Variants in SEL1L3 observed in about 807,000 individuals in gnomAD.
The protein encoded by SEL1L3 is protein sel-1 homolog 3.
In SEL1L3, 76 loss-of-function variants were observed where a neutral mutation model predicts 142.8. That is an observed-to-expected ratio of 0.53 (90% CI 0.44 to 0.64). The LOEUF (loss-of-function observed/expected upper bound fraction) is 0.64, where lower values mean the gene tolerates loss of function less well. SEL1L3 is among the 30% of genes least tolerant of loss of function. The pLI is 0.00. For missense variants in SEL1L3, 1,262 were observed against 1,381.7 expected (o/e 0.91, Z 1.37); for synonymous variants, 504 against 519.6 (o/e 0.97, Z 0.41).
chr4:25,748,640 T>G, intron 23 of SEL1L3, 76 bp from the exon 24 acceptor site: 1 of 1,479,372 alleles, frequency 6.8e-7, no homozygotes, highest in Non-Finnish European at 9.1e-7. Context: ...ACCTAGAGAC[T>G]CTGGCAAGCC....
At chr4:25,818,319 A>C (rs547094193) in intron 8 of SEL1L3, 41 bp from the exon 9 acceptor site, 4 of 1,544,648 alleles carry the variant, frequency 2.6e-6, no homozygotes, top group Non-Finnish European at 3.5e-6. Context: ...ACCCTTTAGC[A>C]GAAGATAAGA....
chr4:25,788,882 C>T lies in SEL1L3; in HGVS notation c.2077-518G>A, dbSNP rs887289041. 6.6e-6 allele frequency among the ~76,000 whole-genome samples: 1 copy of T among 152,100 alleles called. No individual in the cohort carries two copies. On this transcript the variant is annotated intron_variant, in intron 12 of 23. Transcript: ENST00000399878. This position sits in a 1 kb window ranked among gnomAD's most constrained non-coding sequence, Gnocchi z 5.3. ...ACCTCAAGATGTTACTTATCTTTGTCCCTGTCTGTTAGCCCCCCAACCCAG... is the reference window on the plus strand; with the variant it reads ...ACCTCAAGATGTTACTTATCTTTGTTCCTGTCTGTTAGCCCCCCAACCCAG...
chr4:25,756,939 G>C, intron 23 of SEL1L3: 1 of 1,274,048 alleles, frequency 7.8e-7, no homozygotes, highest in Non-Finnish European at 1.0e-6. Flanking sequence ...GGAAGAAATT[G>C]TATTAGGTCA....
At chr4:25,817,449 T>C (rs1187173845) in intron 9 of SEL1L3, among the ~76,000 whole-genome samples, 1 of 152,220 alleles carries the variant, frequency 6.6e-6, no homozygotes, top group Admixed American at 6.5e-5. Context: ...GTCCCTAGAA[T>C]ATGCACTGAA....
chr4:25,798,546 G>A (rs1021718993), intron 11 of SEL1L3, among the ~76,000 whole-genome samples: 2 of 152,198 alleles, frequency 1.3e-5, no homozygotes, highest in African/African-American at 2.4e-5. Flanking sequence ...AGACCAGGAC[G>A]GCTGGGCGAG....
chr4:25,755,201 A>G (rs1717870756), intron 23 of SEL1L3, among the ~76,000 whole-genome samples: 1 of 152,104 alleles, frequency 6.6e-6, no homozygotes, highest in Non-Finnish European at 1.5e-5. Flanking sequence ...CTCCTGCCTC[A>G]GCCTCCCTAG....
Position 25,759,018 on chromosome 4 carries a change from G to A in SEL1L3, c.3006C>T (p.His1002=), listed in dbSNP as rs759232619. The A allele has an allele frequency of 2.5e-6, 4 of 1,613,724 alleles. No homozygotes were observed. The highest frequency in any genetic ancestry group is 3.4e-6 in the Non-Finnish European group (4 of 1,179,708). Reference sequence around the variant, plus strand: ...CAATTTCCAAGAAATCCAAGATATGGTGTGGGATTATCGTACCTTCCTCGA... The same window carrying A: ...CAATTTCCAAGAAATCCAAGATATGATGTGGGATTATCGTACCTTCCTCGA... ...LLIEEGTIIP[H]HILDFLEIDS... The change falls in exon 21 of 24, where the codon CAC becomes CAT. Residue 1002 remains histidine (H), a synonymous_variant. Coordinates refer to ENST00000399878, the MANE Select transcript of SEL1L3 (RefSeq NM_015187.5).
Position 25,822,034 on chromosome 4 carries a change from G to A in SEL1L3, c.1252C>T (p.Leu418=). The change falls in exon 7 of 24, where the codon CTG becomes TTG. Residue 418 remains leucine (L), a synonymous_variant. Coordinates refer to ENST00000399878, the MANE Select transcript of SEL1L3 (RefSeq NM_015187.5). ...AGACTGCGAAGGCGATAGTACTTCA[G>A]GGGTCCAAAAAACCCTTCAATGCCA... ...VAGIEGFFGP[L]KYYRLRSLHP... is the part of the protein sequence containing the mutation. 6.2e-7 allele frequency: 1 copy of A among 1,613,916 alleles called. No individual in the cohort carries two copies. The highest frequency in any genetic ancestry group is 8.5e-7 in the Non-Finnish European group (1 of 1,179,872).
chr4:25,858,572 AT>A (rs139555950), intron 1 of SEL1L3, among the ~76,000 whole-genome samples: 4 of 149,542 alleles, frequency 2.7e-5, no homozygotes, highest in East Asian at 2.0e-4. Flanking sequence ...GTTTTTTTTG[AT>A]TTTTTTGTTT....
chr4:25,830,746 A>C (rs1715384316), intron 5 of SEL1L3, among the ~76,000 whole-genome samples: 1 of 152,234 alleles, frequency 6.6e-6, no homozygotes, highest in South Asian at 2.1e-4. Flanking sequence ...TGCTAGTGCC[A>C]CCACAGAGTA....
intron 9 of SEL1L3, among the ~76,000 whole-genome samples, chr4:25,805,592 TC>T (rs56219659): frequency 0.55 from 84,018 of 152,066 alleles, 25,285 homozygotes; most frequent in South Asian, 0.75. Context: ...ATATGATGCT[TC>T]CTTTTACATA....
Position 25,847,451 on chromosome 4 carries a change from T to C in SEL1L3, c.576A>G (p.Glu192=). 6.2e-7 allele frequency: 1 copy of C among 1,614,016 alleles called. No homozygotes were observed. Among genetic ancestry groups the C allele is most frequent in the African/African-American group, 1.3e-5 (1 of 75,052 alleles). Residue 192 remains glutamate (E), a synonymous_variant, in exon 2 of 24, where the codon GAA becomes GAG. Transcript: ENST00000399878. ...SGRDWNVKWE[E]NLLHAVAKNY... ...TCTTTGCTACAGCATGGAGCAAGTT[T>C]TCCTCCCATTTAACATTCCAGTCTC... is the stretch of plus-strand genomic sequence containing the variant.
At chr4:25,859,040 A>G (rs1040521121) in intron 1 of SEL1L3, among the ~76,000 whole-genome samples, 1 of 152,256 alleles carries the variant, frequency 6.6e-6, no homozygotes, top group Non-Finnish European at 1.5e-5. Flanking sequence ...TTTGGAGACC[A>G]GAGCTTAGAA....
intron 11 of SEL1L3, among the ~76,000 whole-genome samples, chr4:25,793,712 C>A (rs1368618926): frequency 6.6e-6 from 1 of 152,154 alleles, no homozygotes; most frequent in African/African-American, 2.4e-5. Context: ...TCAGTTTCTG[C>A]ATCCATAAAA....
chr4:25,844,185 A>G (rs1185061334), intron 2 of SEL1L3, among the ~76,000 whole-genome samples: 1 of 152,184 alleles, frequency 6.6e-6, no homozygotes, highest in Non-Finnish European at 1.5e-5. Flanking sequence ...CTTGTTCATC[A>G]AGAAGCCCCT....
intron 13 of SEL1L3, among the ~76,000 whole-genome samples, chr4:25,787,085 T>G (rs570281621): frequency 6.6e-5 from 10 of 152,338 alleles, no homozygotes; most frequent in African/African-American, 2.2e-4. Flanking sequence ...TCTCTGTATT[T>G]GGGGATGATG....
At chr4:25,721,310 C>G in the SEL1L3 span, among the ~76,000 whole-genome samples, 2 of 151,978 alleles carry the variant, frequency 1.3e-5, no homozygotes, top group African/African-American at 4.8e-5. Flanking sequence ...CCCAGCTGTA[C>G]CTGCTGGTAG....
At chr4:25,768,143 A>G (rs549498167) in intron 17 of SEL1L3, among the ~76,000 whole-genome samples, 2 of 152,248 alleles carry the variant, frequency 1.3e-5, no homozygotes, top group Admixed American at 6.5e-5. Flanking sequence ...TCCTTCTTGC[A>G]TCCTCGCTTA....
At chr4:25,851,227 G>A (rs773549078) in intron 1 of SEL1L3, among the ~76,000 whole-genome samples, 3 of 152,140 alleles carry the variant, frequency 2.0e-5, no homozygotes, top group Non-Finnish European at 2.9e-5. Context: ...AAATTGCAAC[G>A]TTTTCTAGTA....
Sources: gnomAD v4.1 joint callset for allele counts (sites outside exome capture counted in the v4.1 genomes callset) on GRCh38, gnomAD v4.1.1 for gene constraint, Gnocchi (gnomAD v3.1) non-coding constraint, MANE v1.5 for transcripts, NCBI Gene and HGNC (gene_info 2026-07-23, HGNC 2026-07-21) for gene names.